Variants in DAG1 observed in about 807,000 individuals in gnomAD.
DAG1 encodes the protein dystroglycan 1 (dystrophin-associated glycoprotein 1).
A neutral mutation model predicts 46.1 loss-of-function variants in DAG1; 8 were observed. The ratio of observed to expected loss-of-function variants is 0.17; its 90% CI spans 0.10 to 0.31. The LOEUF (loss-of-function observed/expected upper bound fraction) is 0.31, where lower values mean the gene tolerates loss of function less well. DAG1 is among the 10% of genes least tolerant of loss of function. The pLI is 1.00. For synonymous variants in DAG1, 495 were observed against 481.8 expected (o/e 1.03, Z -0.36); for missense variants, 1,003 against 1,189.9 (o/e 0.84, Z 2.31).
upstream of DAG1, among the ~76,000 whole-genome samples, chr3:49,469,312 C>T (rs376732249): frequency 1.2e-3 from 176 of 152,296 alleles, 6 homozygotes; most frequent in South Asian, 0.036. Flanking sequence ...GAAGCAGAGC[C>T]CACCACGGGT....
At chr3:49,483,877 A>G (rs1214451400) in intron 1 of DAG1, among the ~76,000 whole-genome samples, 4 of 151,436 alleles carry the variant, frequency 2.6e-5, no homozygotes, top group African/African-American at 4.9e-5. Flanking sequence ...GGTCTTGGCT[A>G]TGTTGCCCAG....
chr3:49,478,542 T>TA (rs1156932047), intron 1 of DAG1, among the ~76,000 whole-genome samples: 12 of 148,538 alleles, frequency 8.1e-5, no homozygotes, highest in Admixed American at 1.4e-4. Context: ...TTTTTTTTTT[T>TA]TTTTTTTTTA....
At chr3:49,490,585 T>C (rs897876802) in intron 1 of DAG1, among the ~76,000 whole-genome samples, 1 of 151,830 alleles carries the variant, frequency 6.6e-6, no homozygotes, top group Non-Finnish European at 1.5e-5. Flanking sequence ...ATTTTTTTTT[T>C]TTGGGACAGG....
At chr3:49,477,970 A>G (rs1471234037) in intron 1 of DAG1, among the ~76,000 whole-genome samples, 3 of 151,362 alleles carry the variant, frequency 2.0e-5, no homozygotes, top group Non-Finnish European at 4.4e-5. Context: ...CTCAAAAAAA[A>G]AGTGGAAAGA....
Position 49,532,762 on chromosome 3 carries a change from C to T in DAG1, c.2251C>T (p.Leu751=), listed in dbSNP as rs1553653673. 1 of 1,614,132 alleles carries T rather than the reference C, an allele frequency of 6.2e-7. No homozygotes were observed. The highest frequency in any genetic ancestry group is 8.5e-7 in the Non-Finnish European group (1 of 1,180,038). The part of the protein sequence containing the change: ...PEKSSEDDVY[L]HTVIPAVVVA... ...GAAGAGCAGTGAGGATGATGTCTACCTGCACACAGTCATTCCGGCCGTGGT... is the reference window on the plus strand; with the variant it reads ...GAAGAGCAGTGAGGATGATGTCTACTTGCACACAGTCATTCCGGCCGTGGT... Residue 751 remains leucine, a synonymous_variant, in exon 3 of 3, where the codon CTG becomes TTG. Coordinates refer to ENST00000308775, the MANE Select transcript of DAG1 (RefSeq NM_004393.6). This position sits in a 1 kb window ranked among gnomAD's most constrained non-coding sequence, Gnocchi z 5.4.
intron 2 of DAG1, among the ~76,000 whole-genome samples, chr3:49,517,331 A>G (rs151038474): frequency 2.0e-5 from 3 of 152,294 alleles, no homozygotes; most frequent in East Asian, 1.9e-4. Flanking sequence ...ATAAGGTCTT[A>G]TCTTCAGGTA....
Position 49,533,246 on chromosome 3 carries a change from C to A in DAG1, c.*47C>A. ...GCAGGGTAGGGCAGGGGCCTGGAGA[C>A]GACATGGTGTTGTCTGTGGAGACCG... On this transcript the variant is annotated 3_prime_UTR_variant, in exon 3 of 3. Coordinates refer to ENST00000308775, the MANE Select transcript of DAG1 (RefSeq NM_004393.6). 1 of 1,601,864 alleles carries A rather than the reference C, an allele frequency of 6.2e-7. No individual in the cohort carries two copies. The highest frequency in any genetic ancestry group is 1.3e-5 in the African/African-American group (1 of 74,992).
intron 1 of DAG1, among the ~76,000 whole-genome samples, chr3:49,504,761 A>ATTTTTTTT (rs57684297): frequency 4.0e-4 from 36 of 89,924 alleles, no homozygotes; most frequent in African/African-American, 9.6e-4. Context: ...CGCCCAGCTA[A>ATTTTTTTT]TTTTTTTTTT....
chr3:49,491,437 A>G (rs1483481254), intron 1 of DAG1, among the ~76,000 whole-genome samples: 1 of 151,316 alleles, frequency 6.6e-6, no homozygotes, highest in Non-Finnish European at 1.5e-5. Flanking sequence ...CAGCCTCCCA[A>G]GTAGCAGGGA....
At chr3:49,528,659 C>T (rs934226239) in intron 2 of DAG1, among the ~76,000 whole-genome samples, 2 of 152,026 alleles carry the variant, frequency 1.3e-5, no homozygotes, top group Non-Finnish European at 2.9e-5. Flanking sequence ...AATTTGAAGA[C>T]ACCCATGTTT....
intron 1 of DAG1, among the ~76,000 whole-genome samples, chr3:49,479,817 T>G (rs904654237): frequency 6.1e-5 from 9 of 147,338 alleles, no homozygotes; most frequent in African/African-American, 1.0e-4. Context: ...TTTTTTTGTA[T>G]TTTTAGTAGA....
intron 2 of DAG1, among the ~76,000 whole-genome samples, chr3:49,515,384 T>A (rs1224735712): frequency 1.8e-5 from 2 of 113,106 alleles, no homozygotes; most frequent in Non-Finnish European, 3.9e-5. Context: ...AATATTCTTG[T>A]GTTGTTTTTT....
chr3:49,516,878 A>G (rs2050911700), intron 2 of DAG1, among the ~76,000 whole-genome samples: 1 of 152,022 alleles, frequency 6.6e-6, no homozygotes, highest in African/African-American at 2.4e-5. Context: ...TGAGCCGTTC[A>G]GCAGATAGTG....
At chr3:49,516,176 ACT>A (rs1055275658) in intron 2 of DAG1, among the ~76,000 whole-genome samples, 1 of 151,224 alleles carries the variant, frequency 6.6e-6, no homozygotes, top group African/African-American at 2.4e-5. Context: ...TTCCCACAAA[ACT>A]CTGTGTCATC....
At chr3:49,475,303 C>A (rs2049649679) in intron 1 of DAG1, among the ~76,000 whole-genome samples, 1 of 150,912 alleles carries the variant, frequency 6.6e-6, no homozygotes, top group Non-Finnish European at 1.5e-5. Flanking sequence ...AGGTTTTCTC[C>A]ATGTTGGTCA....
chr3:49,482,044 T>C (rs116207489), intron 1 of DAG1, among the ~76,000 whole-genome samples: 1,743 of 152,326 alleles, frequency 0.011, 31 homozygotes, highest in African/African-American at 0.041. Flanking sequence ...TTATGTGTTA[T>C]AAGTAATCCA....
At chr3:49,518,956 G>A (rs1302601345) in intron 2 of DAG1, among the ~76,000 whole-genome samples, 1 of 152,172 alleles carries the variant, frequency 6.6e-6, no homozygotes, top group African/African-American at 2.4e-5. Context: ...GCTCAGCCCA[G>A]CTCTTGACTG....
intron 2 of DAG1, among the ~76,000 whole-genome samples, chr3:49,525,848 G>A (rs1479320162): frequency 3.3e-5 from 5 of 150,498 alleles, no homozygotes; most frequent in African/African-American, 4.9e-5. Context: ...GTGAGCCACC[G>A]CGCTCGGCCT....
chr3:49,513,757 G>A (rs1230733244), intron 2 of DAG1, among the ~76,000 whole-genome samples: 4 of 152,280 alleles, frequency 2.6e-5, no homozygotes, highest in African/African-American at 4.8e-5. Context: ...CAGAGTGTTT[G>A]CATAAAGTTT....
Sources: allele counts gnomAD v4.1 joint callset (sites outside exome capture counted in the v4.1 genomes callset), GRCh38; gene constraint gnomAD v4.1.1; non-coding constraint Gnocchi (gnomAD v3.1); transcripts MANE v1.5; gene names NCBI Gene and HGNC (gene_info 2026-07-23, HGNC 2026-07-21).